ADAMTS12: variants seen among roughly 807,000 people sequenced by gnomAD.
The protein encoded by ADAMTS12 is A disintegrin and metalloproteinase with thrombospondin motifs 12.
ADAMTS12 carries 118 observed loss-of-function variants against 167.8 expected under a neutral mutation model. That is an observed-to-expected ratio of 0.70 (90% CI 0.61 to 0.82). The LOEUF (loss-of-function observed/expected upper bound fraction) is 0.82. Among genes scored for constraint, ADAMTS12 ranks in the 40% least tolerant of loss-of-function variants. The pLI, the probability that ADAMTS12 is intolerant of heterozygous loss-of-function variation, is 0.00. For synonymous variants in ADAMTS12, 704 were observed against 716.9 expected (o/e 0.98, Z 0.29); for missense variants, 1,916 against 1,998.8 (o/e 0.96, Z 0.79).
chr5:33,664,427 G>C (rs1299276867), intron 5 of ADAMTS12, among the ~76,000 whole-genome samples: 1 of 151,996 alleles, frequency 6.6e-6, no homozygotes, highest in African/African-American at 2.4e-5. Context: ...AGGAAAGACA[G>C]CCTTTTCAAT....
chr5:33,842,913 A>G (rs962124948), intron 2 of ADAMTS12, among the ~76,000 whole-genome samples: 1 of 152,206 alleles, frequency 6.6e-6, no homozygotes. Context: ...ATCTGTAGCT[A>G]AGCCAGCATA....
At chr5:33,854,675 T>C (rs761389863) in intron 2 of ADAMTS12, among the ~76,000 whole-genome samples, 2 of 151,958 alleles carry the variant, frequency 1.3e-5, no homozygotes, top group Non-Finnish European at 1.5e-5. Flanking sequence ...AAAATAAACC[T>C]GATGAACTGA....
At chr5:33,799,892 A>G (rs1281511416) in intron 2 of ADAMTS12, among the ~76,000 whole-genome samples, 1 of 152,184 alleles carries the variant, frequency 6.6e-6, no homozygotes, top group Non-Finnish European at 1.5e-5. Flanking sequence ...AGATAAGGGC[A>G]ACTGAGACAA....
intron 14 of ADAMTS12, among the ~76,000 whole-genome samples, chr5:33,618,206 T>C (rs183147429): frequency 1.3e-5 from 2 of 152,356 alleles, no homozygotes; most frequent in East Asian, 3.9e-4. Context: ...TACTATTCAT[T>C]AAGCAGAAGT....
intron 23 of ADAMTS12, among the ~76,000 whole-genome samples, chr5:33,528,554 G>C (rs1260746613): frequency 3.9e-5 from 6 of 152,204 alleles, no homozygotes; most frequent in African/African-American, 1.4e-4. Flanking sequence ...CATCTTTACA[G>C]TGCTACTAGC....
intron 13 of ADAMTS12, among the ~76,000 whole-genome samples, chr5:33,626,116 AT>A (rs1179753509): frequency 2.0e-5 from 3 of 152,228 alleles, no homozygotes; most frequent in Admixed American, 6.5e-5. Context: ...GTGAAAAAAA[AT>A]CACTTTGATT....
rs757734999 is a variant in ADAMTS12 at position 33,648,806 on chromosome 5, C to G, written c.1479+16G>C. On this transcript the variant is annotated intron_variant, in intron 9 of 23. Transcript: ENST00000504830. The stretch of plus-strand genomic sequence containing the variant: ...GATCTGAAGCCCTGCATATAGCCAC[C>G]AAGAGGTACACTTACTTCTACTTCC... The G allele has an allele frequency of 1.2e-6, 2 of 1,613,890 alleles. No individual in the cohort carries two copies. The highest frequency in any genetic ancestry group is 1.7e-6 in the Non-Finnish European group (2 of 1,179,882).
At chr5:33,802,836 G>A (rs777862116) in intron 2 of ADAMTS12, among the ~76,000 whole-genome samples, 10 of 152,120 alleles carry the variant, frequency 6.6e-5, no homozygotes, top group Admixed American at 5.2e-4. Context: ...AATTTGCACC[G>A]GGTAACAAGT....
At chr5:33,637,049 G>A (rs1006468541) in intron 12 of ADAMTS12, among the ~76,000 whole-genome samples, 4 of 151,948 alleles carry the variant, frequency 2.6e-5, no homozygotes, top group South Asian at 2.1e-4. Flanking sequence ...TTGCCTTTCC[G>A]CCTGTTATTC....
chr5:33,806,043 T>C (rs1199976583), intron 2 of ADAMTS12, among the ~76,000 whole-genome samples: 2 of 152,224 alleles, frequency 1.3e-5, no homozygotes, highest in African/African-American at 4.8e-5. Flanking sequence ...TATCTAAAAT[T>C]AGATACTTTT....
chr5:33,620,938 G>T (rs1194656341), intron 14 of ADAMTS12, among the ~76,000 whole-genome samples: 1 of 152,168 alleles, frequency 6.6e-6, no homozygotes, highest in East Asian at 1.9e-4. Context: ...TAAGAATGAT[G>T]ACTATATTTG....
chr5:33,699,299 A>C (rs1742902292), intron 3 of ADAMTS12, among the ~76,000 whole-genome samples: 1 of 152,180 alleles, frequency 6.6e-6, no homozygotes, highest in African/African-American at 2.4e-5. Context: ...TGTGCAAAGC[A>C]ATTCAAAGGA....
chr5:33,740,799 G>A (rs1396638306), intron 3 of ADAMTS12, among the ~76,000 whole-genome samples: 1 of 152,126 alleles, frequency 6.6e-6, no homozygotes, highest in African/African-American at 2.4e-5. Context: ...GTGGGGCCAG[G>A]GAACCAAGGG....
intron 14 of ADAMTS12, among the ~76,000 whole-genome samples, chr5:33,622,678 G>GA (rs1010231061): frequency 6.6e-6 from 1 of 151,966 alleles, no homozygotes; most frequent in African/African-American, 2.4e-5. Flanking sequence ...AAACAAAAAC[G>GA]AAAAAACAGG....
intron 2 of ADAMTS12, among the ~76,000 whole-genome samples, chr5:33,762,000 C>T (rs1205988817): frequency 6.6e-6 from 1 of 151,714 alleles, no homozygotes; most frequent in Admixed American, 6.6e-5. Context: ...TGAGACCAGC[C>T]TGGCCAATAT....
intron 3 of ADAMTS12, among the ~76,000 whole-genome samples, chr5:33,699,567 A>G (rs952473171): frequency 3.3e-5 from 5 of 152,160 alleles, no homozygotes; most frequent in Non-Finnish European, 7.3e-5. Flanking sequence ...CATCATTAAA[A>G]TTACTTTCTC....
At position 33,619,274 on chromosome 5, in the gene ADAMTS12, C is replaced by G. The variant is rs115187736; in HGVS notation, c.2144-3202G>C. On this transcript the variant is annotated intron_variant, in intron 14 of 23. Transcript: ENST00000504830. ...TTATCTTTTCCCTTCAAGGCTGTTA[C>G]GTTAGCTCCTTTACAGATCATAAAC... is the stretch of plus-strand genomic sequence containing the variant. Among the ~76,000 whole-genome samples the G allele has an allele frequency of 9.7e-3, 1,472 of 152,264 alleles. 17 individuals carry two copies. Among genetic ancestry groups the G allele is most frequent in the African/African-American group, 0.033 (1,358 of 41,554 alleles).
At chr5:33,863,427 T>G (rs1174039291) in intron 2 of ADAMTS12, among the ~76,000 whole-genome samples, 1 of 152,062 alleles carries the variant, frequency 6.6e-6, no homozygotes, top group Non-Finnish European at 1.5e-5. Context: ...AAATCATGAG[T>G]GAACTCCCAT....
At chr5:33,670,890 T>C (rs1484442877) in intron 5 of ADAMTS12, among the ~76,000 whole-genome samples, 1 of 152,190 alleles carries the variant, frequency 6.6e-6, no homozygotes, top group Non-Finnish European at 1.5e-5. Flanking sequence ...GTTTTATTCA[T>C]AATAGCTAAA....
Sources: allele counts gnomAD v4.1 joint callset (sites outside exome capture counted in the v4.1 genomes callset), GRCh38; gene constraint gnomAD v4.1.1; transcripts MANE v1.5; gene names NCBI Gene and HGNC (gene_info 2026-07-23, HGNC 2026-07-21).